The following SIM1 variants were observed in gnomAD, a reference collection of about 807,000 sequenced individuals.
The protein encoded by SIM1 is single-minded homolog 1.
In SIM1, 18 loss-of-function variants were observed where a neutral mutation model predicts 78.2. The observed-to-expected ratio is 0.23, with a 90% confidence interval of 0.16 to 0.34. SIM1 has a LOEUF of 0.34. SIM1 is among the 10% of genes least tolerant of loss of function. The pLI is 1.00. For synonymous variants in SIM1, 417 were observed against 385.2 expected (o/e 1.08, Z -0.97); for missense variants, 939 against 975.1 (o/e 0.96, Z 0.49).
Position 100,403,262 on chromosome 6 carries a change from A to C in SIM1, c.1168-9373T>G, listed in dbSNP as rs2114477911. 3.3e-5 allele frequency among the ~76,000 whole-genome samples: 5 copies of C among 152,354 alleles called. No individual in the cohort carries two copies. In the South Asian group the frequency reaches 1.0e-3, roughly 32 times the overall value. ...CAAAGGTGGGCTGAGGCTGGCAAGC[A>C]AAAAGCTCAGATGACTGCCAAAACT... On this transcript the variant is annotated intron_variant, in intron 10 of 11. Coordinates refer to ENST00000369208, the MANE Select transcript of SIM1 (RefSeq NM_005068.3).
chr6:100,449,923 A>G (rs766959794), intron 4 of SIM1, among the ~76,000 whole-genome samples: 9 of 152,180 alleles, frequency 5.9e-5, no homozygotes, highest in African/African-American at 1.2e-4. Context: ...TAATGATGAT[A>G]ATAATAATAG....
intron 2 of SIM1, among the ~76,000 whole-genome samples, chr6:100,458,289 C>G (rs887295002): frequency 2.6e-5 from 4 of 152,176 alleles, no homozygotes; most frequent in African/African-American, 9.7e-5. Flanking sequence ...CGCCCTGGGA[C>G]TCCGGGTCTT....
chr6:100,416,109 C>T (rs1771394006), intron 10 of SIM1, among the ~76,000 whole-genome samples: 1 of 152,172 alleles, frequency 6.6e-6, no homozygotes, highest in Admixed American at 6.5e-5. Context: ...CTCTCTCACC[C>T]TGAATCCTTA....
intron 9 of SIM1, 107 bp downstream of exon 9, chr6:100,447,161 A>T: frequency 1.5e-6 from 2 of 1,310,580 alleles, no homozygotes; most frequent in Non-Finnish European, 2.1e-6. Flanking sequence ...TCAAAATGGC[A>T]TTCCCCGTGG....
At chr6:100,402,567 CTTT>C (rs869130841) in intron 10 of SIM1, among the ~76,000 whole-genome samples, 1 of 76,342 alleles carries the variant, frequency 1.3e-5, no homozygotes, top group Non-Finnish European at 2.6e-5. Context: ...TTTCTTTTCT[CTTT>C]TTTTTTTTTT....
chr6:100,460,949 A>G (rs1772823404), intron 2 of SIM1, among the ~76,000 whole-genome samples: 1 of 152,168 alleles, frequency 6.6e-6, no homozygotes, highest in Middle Eastern at 3.2e-3. Flanking sequence ...GTGGAGGCTG[A>G]GGGTGAGTTA....
chr6:100,437,452 A>G (rs1772084461), intron 9 of SIM1: 1 of 152,180 alleles, frequency 6.6e-6, no homozygotes, highest in African/African-American at 2.4e-5. Flanking sequence ...TTCTGAAAAT[A>G]ATTTTTAAAA....
chr6:100,391,779 C>G (rs917025198), intron 11 of SIM1, among the ~76,000 whole-genome samples: 3 of 152,030 alleles, frequency 2.0e-5, no homozygotes, highest in Non-Finnish European at 4.4e-5. Flanking sequence ...ACAATCTTGT[C>G]CAAATAAAAA....
chr6:100,435,960 T>C (rs1307803591), intron 9 of SIM1, among the ~76,000 whole-genome samples: 1 of 151,766 alleles, frequency 6.6e-6, no homozygotes, highest in Non-Finnish European at 1.5e-5. Context: ...GCCAGTTACC[T>C]TGCTGCCAGT....
intron 10 of SIM1, among the ~76,000 whole-genome samples, chr6:100,399,508 G>A (rs1770855240): frequency 6.6e-6 from 1 of 152,014 alleles, no homozygotes; most frequent in African/African-American, 2.4e-5. Context: ...TAGTGAAATT[G>A]TTCTATATGA....
At chr6:100,463,241 C>A (rs1772900760) in intron 2 of SIM1, 53 bp downstream of exon 2, 1 of 1,510,980 alleles carries the variant, frequency 6.6e-7, no homozygotes, top group East Asian at 2.3e-5. Flanking sequence ...CATTGCCTGG[C>A]AAATCCCCGG....
chr6:100,428,087 TC>T (rs1207963373), intron 9 of SIM1, among the ~76,000 whole-genome samples: 1 of 152,332 alleles, frequency 6.6e-6, no homozygotes, highest in East Asian at 1.9e-4. Flanking sequence ...ATTCTTAAAT[TC>T]TCAGATTATA....
At position 100,387,073 on chromosome 6, in the gene SIM1, G is replaced by A. The variant is rs1448379964; in HGVS notation, c.*3288C>T. 6.6e-6 allele frequency: 1 copy of A among 151,952 alleles called. No individual in the cohort carries two copies. Among genetic ancestry groups the A allele is most frequent in the Admixed American group, 6.6e-5 (1 of 15,248 alleles). 9.4% of individuals were successfully genotyped at this position (151,952 alleles called of 1,614,324 possible). ...CCAAATTTTTAAAGTAGGTATGGCA[G>A]GTGAAATGGGCAATAAAGATACTTA... On this transcript the variant is annotated 3_prime_UTR_variant, in exon 12 of 12. Transcript: ENST00000369208.
chr6:100,450,481 A>T (rs2114543577), intron 3 of SIM1, 125 bp from the exon 4 acceptor site: 1 of 784,244 alleles, frequency 1.3e-6, no homozygotes, highest in South Asian at 1.5e-5. Context: ...CAGGTTTGGC[A>T]GGAAACAGGG....
At chr6:100,436,395 G>A (rs920035278) in intron 9 of SIM1, among the ~76,000 whole-genome samples, 4 of 152,282 alleles carry the variant, frequency 2.6e-5, no homozygotes, top group African/African-American at 9.6e-5. Flanking sequence ...ATTGAAGGAG[G>A]ATCTTTCCAG....
rs1477119472 is a variant in SIM1 at position 100,450,334 on chromosome 6, A to G, written c.281T>C (p.Val94Ala). The change falls in exon 4 of 12, where the codon GTG becomes GCG. Residue 94 changes from valine to alanine, a missense_variant. Val to Ala is a moderately conservative substitution (Grantham distance 64, BLOSUM62 0). Transcript: ENST00000369208. Reference sequence around the variant, plus strand: ...CATGATCTTCCCATCTGGGGCTACCACGAAGATGAAGCCATCCAGGGTCTG... The same window carrying G: ...CATGATCTTCCCATCTGGGGCTACCGCGAAGATGAAGCCATCCAGGGTCTG... ...LLQTLDGFIF[V>A]VAPDGKIMYI... 2 of 1,614,114 alleles carry G rather than the reference A, an allele frequency of 1.2e-6. No homozygotes were observed. The highest frequency in any genetic ancestry group is 1.7e-6 in the Non-Finnish European group (2 of 1,180,020).
In SIM1 at chr6:100,464,842, T is replaced by A. The variant is rs1162853233; in HGVS notation, c.-696A>T. The A allele has an allele frequency of 6.6e-6, 1 of 152,170 alleles. No homozygotes were observed. Among genetic ancestry groups the A allele is most frequent in the Non-Finnish European group, 1.5e-5 (1 of 68,048 alleles). The allele number at this position is 152,170 out of a possible 1,614,324, so 9.4% of individuals were successfully genotyped here. A position where few individuals can be genotyped will look rare whatever the true frequency, so the allele number is the denominator to read the frequency against. On this transcript the variant is annotated 5_prime_UTR_variant, in exon 1 of 12. Coordinates refer to ENST00000369208, the MANE Select transcript of SIM1 (RefSeq NM_005068.3). The stretch of plus-strand genomic sequence containing the variant: ...TGAGGTGATTTTAGAATCCTGGTCC[T>A]CCGTAGTTGCTACGAAGCCAGTTCA...
At chr6:100,464,526 G>C (rs1354775361) in intron 1 of SIM1, 88 bp downstream of exon 1, 3 of 152,120 alleles carry the variant, frequency 2.0e-5, no homozygotes, top group African/African-American at 4.8e-5. Context: ...AGGCTCCCCC[G>C]GGGGTGGGAG....
At chr6:100,409,474 T>G (rs947960640) in intron 10 of SIM1, among the ~76,000 whole-genome samples, 1 of 152,082 alleles carries the variant, frequency 6.6e-6, no homozygotes, top group Non-Finnish European at 1.5e-5. Context: ...TATGTTGATC[T>G]TCTCAAAAAA....
Sources: gnomAD v4.1 joint callset for allele counts (sites outside exome capture counted in the v4.1 genomes callset) on GRCh38, gnomAD v4.1.1 for gene constraint, MANE v1.5 for transcripts, NCBI Gene and HGNC (gene_info 2026-07-23, HGNC 2026-07-21) for gene names.